The following SHLD3 variants were observed in gnomAD, a reference collection of about 807,000 sequenced individuals.
The protein encoded by SHLD3 is shieldin complex subunit 3.
A neutral mutation model predicts 21.4 loss-of-function variants in SHLD3; 15 were observed. The observed-to-expected ratio is 0.70, with a 90% CI of 0.47 to 1.08. The LOEUF is 1.08. Ranked by LOEUF, SHLD3 falls within the 50% of genes least tolerant of loss-of-function variation. SHLD3 has a pLI of 0.00. For synonymous variants in SHLD3, 103 were observed against 97.2 expected, an observed-to-expected ratio of 1.06 and a Z score of -0.35; for missense variants, 273 against 286.1, an observed-to-expected ratio of 0.95 and a Z score of 0.33.
Position 65,630,316 on chromosome 5 carries a change from A to G in SHLD3, c.729A>G (p.Lys243=). ...GAAAAATTAATTTATTTGTGCATAA[A>G]TATGGTGTTATTTTTAGTATGTAAT... is the stretch of plus-strand genomic sequence containing the variant. ...LTGKINLFVH[K]YGVIFSM is the part of the protein sequence containing the mutation. The change falls in exon 2 of 2, where the codon AAA becomes AAG. Residue 243 remains lysine, a synonymous_variant. Coordinates refer to ENST00000510585, the MANE Select transcript of SHLD3 (RefSeq NM_001365341.2). 6.6e-7 allele frequency: 1 copy of G among 1,522,330 alleles called. No homozygotes were observed. The highest frequency in any genetic ancestry group is 8.8e-7 in the Non-Finnish European group (1 of 1,138,436). The allele number at this position is 1,522,330 out of a possible 1,614,324, so 94.3% of individuals were successfully genotyped here.
At position 65,629,576 on chromosome 5, in the gene SHLD3, G is replaced by T; in HGVS notation, c.-12G>T. The T allele has an allele frequency of 6.6e-7, 1 of 1,513,506 alleles. No homozygotes were observed. Among genetic ancestry groups the T allele is most frequent in the Non-Finnish European group, 8.8e-7 (1 of 1,135,282 alleles). 93.8% of individuals were successfully genotyped at this position (1,513,506 alleles called of 1,614,324 possible). A position where few individuals can be genotyped will look rare whatever the true frequency, so the allele number is the denominator to read the frequency against. ...ATTTTCTCATCACTAAGAGTAACTG[G>T]ATTACTGCAGAATGACTACAGAAGT... On this transcript the variant is annotated 5_prime_UTR_variant, in exon 2 of 2. Coordinates refer to ENST00000510585, the MANE Select transcript of SHLD3 (RefSeq NM_001365341.2).
chr5:65,626,692 C>A lies in SHLD3; in HGVS notation c.-121+1586C>A, dbSNP rs547093627. On this transcript the variant is annotated intron_variant, in intron 1 of 1. Coordinates refer to ENST00000510585, the MANE Select transcript of SHLD3 (RefSeq NM_001365341.2). ...CGGAGCTTGCAGTGATCCGAGATCA[C>A]GCCACTGCACGCCATCCTAGGCAAC... 9.2e-5 allele frequency among the ~76,000 whole-genome samples: 14 copies of A among 152,008 alleles called. No individual in the cohort carries two copies. The South Asian group carries it at 2.7e-3, about 29-fold the overall frequency.
chr5:65,625,215 T>C, intron 1 of SHLD3, 109 bp downstream of exon 1: 2 of 916,732 alleles, frequency 2.2e-6, no homozygotes, highest in Non-Finnish European at 3.5e-6. Flanking sequence ...GTGCTCGCCC[T>C]CCTGCTCTGT....
Position 65,629,706 on chromosome 5 carries a change from C to T in SHLD3, c.119C>T (p.Pro40Leu), listed in dbSNP as rs1561760968. Residue 40 changes from proline (P) to leucine (L), a missense_variant, in exon 2 of 2, where the codon CCT (proline) becomes CTT (leucine). Transcript: ENST00000510585. ...FPTRPLSRFI[P>L]WFPYDGSKLP... ...ACTCGTCCGCTATCAAGATTTATACCTTGGTTTCCATATGATGGGTCCAAG... is the reference window on the plus strand; with the variant it reads ...ACTCGTCCGCTATCAAGATTTATACTTTGGTTTCCATATGATGGGTCCAAG... 1 of 1,536,046 alleles carries T rather than the reference C, an allele frequency of 6.5e-7. No homozygotes were observed.
rs980404865 is a variant in SHLD3, at chr5:65,630,164, A to T, written c.577A>T (p.Arg193Trp). 6.5e-7 allele frequency: 1 copy of T among 1,535,928 alleles called. No homozygotes were observed. The highest frequency in any genetic ancestry group is 2.0e-5 in the Admixed American group (1 of 50,978). The change falls in exon 2 of 2, where the codon AGG becomes TGG. Residue 193 changes from arginine to tryptophan, a missense_variant. Transcript: ENST00000510585. ...TTGGACAAAACTCAATCAAATTATTAGGCACAATGAACTTCCATCTTGTAA... is the reference window on the plus strand; with the variant it reads ...TTGGACAAAACTCAATCAAATTATTTGGCACAATGAACTTCCATCTTGTAA... ...DIWTKLNQII[R>W]HNELPSCNAT...
At chr5:65,627,641 G>C (rs566278901) in intron 1 of SHLD3, among the ~76,000 whole-genome samples, 1 of 149,280 alleles carries the variant, frequency 6.7e-6, no homozygotes, top group South Asian at 2.1e-4. Flanking sequence ...AAAAAAAAAA[G>C]TCATCCCTTG....
rs551618544 is a variant in SHLD3 at position 65,630,238 on chromosome 5, T to G, written c.651T>G (p.Ile217Met). 120 of 1,535,858 alleles carry G rather than the reference T, an allele frequency of 7.8e-5. No homozygotes were observed. In the East Asian group the frequency reaches 2.9e-3, roughly 37 times the overall value. The change falls in exon 2 of 2, where the codon ATT (isoleucine) becomes ATG (methionine). Residue 217 changes from isoleucine to methionine, a missense_variant. Physicochemically the swap from Ile to Met is conservative, Grantham distance 10. Coordinates refer to ENST00000510585, the MANE Select transcript of SHLD3 (RefSeq NM_001365341.2). ...GCCAAATATGGGTGTTCTGTGATAT[T>G]ATGTATTGTGAATATGTGGGAAGTC... ...HLGQIWVFCD[I>M]MYCEYVGSLL...
At chr5:65,628,797 G>A (rs914717471) in intron 1 of SHLD3, among the ~76,000 whole-genome samples, 2 of 151,328 alleles carry the variant, frequency 1.3e-5, no homozygotes, top group African/African-American at 4.9e-5. Context: ...AGTATAAAAT[G>A]ATTAATTTTC....
At chr5:65,626,050 G>A (rs955022827) in intron 1 of SHLD3, 3 of 152,018 alleles carry the variant, frequency 2.0e-5, no homozygotes, top group Admixed American at 6.6e-5. Context: ...GTGGAACTTT[G>A]TAATGTTTAG....
rs1223685186 is a variant in SHLD3 at position 65,629,915 on chromosome 5, G to A, written c.328G>A (p.Glu110Lys). 6.5e-6 allele frequency: 10 copies of A among 1,535,944 alleles called. No individual in the cohort carries two copies. The East Asian group carries it at 2.2e-4, about 34-fold the overall frequency. ...TTTAACCTGGTCACACACACTGAAGGAACAGACTAATTCTGGAAATCTGGG... is the reference window on the plus strand; with the variant it reads ...TTTAACCTGGTCACACACACTGAAGAAACAGACTAATTCTGGAAATCTGGG... The part of the protein sequence containing the change: ...QHLTWSHTLK[E>K]QTNSGNLGKQ... The change falls in exon 2 of 2, where the codon GAA becomes AAA. Residue 110 changes from glutamate (E) to lysine (K), a missense_variant. By Grantham distance (56) the Glu-to-Lys change is moderately conservative. Transcript: ENST00000510585.
At chr5:65,627,197 G>C (rs1278274042) in intron 1 of SHLD3, among the ~76,000 whole-genome samples, 2 of 139,964 alleles carry the variant, frequency 1.4e-5, no homozygotes, top group African/African-American at 2.6e-5. Context: ...CTTCAAAATT[G>C]ACTGATAGTT....
At chr5:65,627,131 C>CAAAAA (rs60169195) in intron 1 of SHLD3, among the ~76,000 whole-genome samples, 1,476 of 32,504 alleles carry the variant, frequency 0.045, 285 homozygotes, top group African/African-American at 0.061. Flanking sequence ...GACCCTGTCT[C>CAAAAA]AAAAAAAAAA....
At position 65,625,125 on chromosome 5, in the gene SHLD3, G is replaced by A; in HGVS notation, c.-121+19G>A. On this transcript the variant is annotated intron_variant, in intron 1 of 1. Transcript: ENST00000510585. ...CTAAAAGGTAAACTTTTGCGAACCTGATTCCCCCTTTTCTGTTTCCTTGCA... is the reference window on the plus strand; with the variant it reads ...CTAAAAGGTAAACTTTTGCGAACCTAATTCCCCCTTTTCTGTTTCCTTGCA... 1 of 1,607,490 alleles carries A rather than the reference G, an allele frequency of 6.2e-7. No individual in the cohort carries two copies. Among genetic ancestry groups the A allele is most frequent in the Non-Finnish European group, 8.5e-7 (1 of 1,173,984 alleles).
At chr5:65,629,244 T>C (rs1012507801) in intron 1 of SHLD3, among the ~76,000 whole-genome samples, 2 of 152,168 alleles carry the variant, frequency 1.3e-5, no homozygotes, top group African/African-American at 4.8e-5. Context: ...ACTACTAGCG[T>C]TTTTAGGCAG....
intron 1 of SHLD3, chr5:65,625,334 G>A: frequency 2.2e-6 from 1 of 461,990 alleles, no homozygotes. Flanking sequence ...TCTGATCTGT[G>A]CTGCTTCAGT....
chr5:65,629,375 T>G, intron 1 of SHLD3, 93 bp from the exon 2 acceptor site: 1 of 908,234 alleles, frequency 1.1e-6, no homozygotes, highest in Non-Finnish European at 1.5e-6. Context: ...ACATTGGGAT[T>G]GGTTTTTGTT....
Position 65,630,414 on chromosome 5 carries a change from A to G in SHLD3, c.*74A>G, listed in dbSNP as rs1034650095. 1.2e-5 allele frequency: 17 copies of G among 1,404,430 alleles called. No homozygotes were observed. In the African/African-American group the frequency reaches 2.5e-4, roughly 20 times the overall value. The allele number at this position is 1,404,430 out of a possible 1,614,324, so 87.0% of individuals were successfully genotyped here. ...GATTGAAATAGATAAAATAATTTTT[A>G]CAGGTTTTAAAATTTTTAATGACTT... On this transcript the variant is annotated 3_prime_UTR_variant, in exon 2 of 2. Coordinates refer to ENST00000510585, the MANE Select transcript of SHLD3 (RefSeq NM_001365341.2).
Position 65,629,650 on chromosome 5 carries a change from A to T in SHLD3, c.63A>T (p.Lys21Asn). 6.5e-7 allele frequency: 1 copy of T among 1,536,058 alleles called. No individual in the cohort carries two copies. ...AGAGTGATCCCACACAACTGCCAAA[A>T]ATTGCAGAAAAAGCAATTCAAGACT... The part of the protein sequence containing the change: ...PCESDPTQLP[K>N]IAEKAIQDFP... The change falls in exon 2 of 2, where the codon AAA becomes AAT. Residue 21 changes from lysine (K) to asparagine (N), a missense_variant. Lys to Asn is a moderately conservative substitution (Grantham distance 94). Coordinates refer to ENST00000510585, the MANE Select transcript of SHLD3 (RefSeq NM_001365341.2).
chr5:65,629,369 T>A, intron 1 of SHLD3, 99 bp from the exon 2 acceptor site: 1 of 862,484 alleles, frequency 1.2e-6, no homozygotes, highest in Non-Finnish European at 1.6e-6. Flanking sequence ...AATACCACAT[T>A]GGGATTGGTT....
Sources: allele counts gnomAD v4.1 joint callset (sites outside exome capture counted in the v4.1 genomes callset), GRCh38; gene constraint gnomAD v4.1.1; transcripts MANE v1.5; gene names NCBI Gene and HGNC (gene_info 2026-07-23, HGNC 2026-07-21).